The following MBTD1 variants were observed in gnomAD, a reference collection of about 807,000 sequenced individuals.
MBTD1 encodes MBT domain-containing protein 1.
A neutral mutation model predicts 87.8 loss-of-function variants in MBTD1; 24 were observed. The observed-to-expected ratio is 0.27, with a 90% CI of 0.20 to 0.38. MBTD1 has a LOEUF of 0.38. Ranked by LOEUF, MBTD1 falls within the 10% of genes least tolerant of loss-of-function variation. The probability of loss-of-function intolerance (pLI) is 1.00; values close to 1 mark genes in which losing one functional copy is unlikely to be tolerated. For missense variants in MBTD1, 436 were observed against 760.2 expected (o/e 0.57, Z 5.02); for synonymous variants, 237 against 248.6 (o/e 0.95, Z 0.44).
At chr17:51,254,088 A>G (rs1280067606) in intron 2 of MBTD1, among the ~76,000 whole-genome samples, 1 of 152,234 alleles carries the variant, frequency 6.6e-6, no homozygotes, top group Non-Finnish European at 1.5e-5. Flanking sequence ...TCAAATTTTT[A>G]TATTTAGCTA....
chr17:51,200,420 T>C (rs1056768915), intron 12 of MBTD1, among the ~76,000 whole-genome samples: 1 of 151,258 alleles, frequency 6.6e-6, no homozygotes. Context: ...ACAAAAAAAC[T>C]GGTTGGGTGT....
chr17:51,227,229 G>A (rs144044443), intron 2 of MBTD1, among the ~76,000 whole-genome samples: 2,358 of 127,410 alleles, frequency 0.019, 52 homozygotes, highest in African/African-American at 0.048. Flanking sequence ...GTGACAGAGC[G>A]AGACTCTGTC....
At chr17:51,223,907 C>T (rs1448896979) in intron 3 of MBTD1, among the ~76,000 whole-genome samples, 1 of 152,192 alleles carries the variant, frequency 6.6e-6, no homozygotes, top group Non-Finnish European at 1.5e-5. Flanking sequence ...CAAAGTCCTA[C>T]ATCTTGGGTT....
At chr17:51,240,832 C>A (rs949732131) in intron 2 of MBTD1, among the ~76,000 whole-genome samples, 1 of 152,056 alleles carries the variant, frequency 6.6e-6, no homozygotes, top group African/African-American at 2.4e-5. Context: ...GTATAGATTT[C>A]CTCTTTTAAA....
chr17:51,209,227 T>C, intron 6 of MBTD1: 1 of 373,020 alleles, frequency 2.7e-6, no homozygotes, highest in African/African-American at 2.1e-5. Flanking sequence ...CTGTCTTCTC[T>C]TGCTGGCAGG....
chr17:51,225,701 CG>C (rs2053175349), intron 2 of MBTD1, among the ~76,000 whole-genome samples: 1 of 151,984 alleles, frequency 6.6e-6, no homozygotes, highest in African/African-American at 2.4e-5. Flanking sequence ...GGATGACAGG[CG>C]TGAGCCAGTG....
chr17:51,251,271 C>T (rs536525511), intron 2 of MBTD1: 5 of 152,260 alleles, frequency 3.3e-5, no homozygotes, highest in African/African-American at 1.2e-4. Flanking sequence ...TTCAAGAACA[C>T]CCTCTTCTCT....
upstream of MBTD1, chr17:51,260,780 G>A (rs769541287): frequency 1.3e-6 from 2 of 1,578,990 alleles, no homozygotes; most frequent in East Asian, 2.3e-5. Context: ...AGTCGCGGCG[G>A]CGGAGGAAGA....
chr17:51,249,358 G>A (rs1039587833), intron 2 of MBTD1, among the ~76,000 whole-genome samples: 1 of 152,162 alleles, frequency 6.6e-6, no homozygotes, highest in African/African-American at 2.4e-5. Context: ...CTTGTGCTAA[G>A]TGTCAAAGTC....
chr17:51,179,509 T>TATATATATTTATATA lies in MBTD1; in HGVS notation c.*1066_*1067insTATATAAATATATAT, dbSNP rs1568135988. 1 of 92,422 alleles carries TATATATATTTATATA rather than the reference T, an allele frequency of 1.1e-5. No individual in the cohort carries two copies. The highest frequency in any genetic ancestry group is 2.3e-5 in the Non-Finnish European group (1 of 44,022). The allele number at this position is 92,422 out of a possible 1,614,324, so 5.7% of individuals were successfully genotyped here. On this transcript the variant is annotated 3_prime_UTR_variant, in exon 17 of 17. Transcript: ENST00000586178. ...TTATATATATATATATATATATATATATATATATATATATATATATATATA... is the reference window on the plus strand; with the variant it reads ...TTATATATATATATATATATATATATATATATATTTATATAATATATATATATATATATATATATA...
chr17:51,207,913 C>T (rs780699559), intron 6 of MBTD1, among the ~76,000 whole-genome samples: 6 of 152,116 alleles, frequency 3.9e-5, no homozygotes, highest in Non-Finnish European at 8.8e-5. Context: ...ACAGTCAGTT[C>T]CTCATTCAAT....
intron 6 of MBTD1, among the ~76,000 whole-genome samples, chr17:51,207,406 C>T (rs1445358592): frequency 5.3e-5 from 8 of 152,146 alleles, no homozygotes; most frequent in Non-Finnish European, 1.2e-4. Flanking sequence ...GAAAGAAAAA[C>T]AATTCCAATC....
Position 51,259,168 on chromosome 17 carries a change from G to C in MBTD1, c.-74C>G, listed in dbSNP as rs2055286094. On this transcript the variant is annotated 5_prime_UTR_variant, in exon 2 of 17. Coordinates refer to ENST00000586178, the MANE Select transcript of MBTD1 (RefSeq NM_017643.3). ...CACTTGTCAGAGAGGCTGCAGAGGGGACGGCTGCTTTGGATGACCTCTAAT... is the reference window on the plus strand; with the variant it reads ...CACTTGTCAGAGAGGCTGCAGAGGGCACGGCTGCTTTGGATGACCTCTAAT... The C allele has an allele frequency of 1.1e-6, 1 of 914,658 alleles. No individual in the cohort carries two copies. Among genetic ancestry groups the C allele is most frequent in the Non-Finnish European group, 1.4e-6 (1 of 697,736 alleles). 56.7% of individuals were successfully genotyped at this position (914,658 alleles called of 1,614,324 possible). A position where few individuals can be genotyped will look rare whatever the true frequency, so the allele number is the denominator to read the frequency against.
At chr17:51,185,127 A>G (rs1179227312) in intron 16 of MBTD1, 1 of 152,256 alleles carries the variant, frequency 6.6e-6, no homozygotes, top group Non-Finnish European at 1.5e-5. Flanking sequence ...AAATATTAGC[A>G]AACAGAAGAA....
chr17:51,232,504 A>C (rs898411929), intron 2 of MBTD1, among the ~76,000 whole-genome samples: 17 of 152,206 alleles, frequency 1.1e-4, no homozygotes, highest in African/African-American at 3.4e-4. Context: ...AAAATAAGCA[A>C]TATAAAACAA....
intron 4 of MBTD1, 27 bp downstream of exon 4, chr17:51,220,303 T>G: frequency 6.5e-7 from 1 of 1,532,678 alleles, no homozygotes; most frequent in Non-Finnish European, 8.8e-7. Flanking sequence ...ATAATGGATA[T>G]AAGTAAGAAA....
chr17:51,221,279 C>A (rs1305819928), intron 3 of MBTD1, among the ~76,000 whole-genome samples: 1 of 152,122 alleles, frequency 6.6e-6, no homozygotes, highest in Non-Finnish European at 1.5e-5. Flanking sequence ...GCCTGGACAA[C>A]AGAAGGAGAT....
At chr17:51,245,372 T>C (rs956381528) in intron 2 of MBTD1, among the ~76,000 whole-genome samples, 15 of 152,236 alleles carry the variant, frequency 9.9e-5, no homozygotes, top group African/African-American at 3.4e-4. Flanking sequence ...CTTTTCCCCA[T>C]ACATTTAAAA....
chr17:51,207,061 TC>T, intron 6 of MBTD1, 56 bp from the exon 7 acceptor site: 1 of 923,030 alleles, frequency 1.1e-6, no homozygotes, highest in South Asian at 1.5e-5. Context: ...CTAAAACATA[TC>T]AATGAAAATT....
Sources: allele counts gnomAD v4.1 joint callset (sites outside exome capture counted in the v4.1 genomes callset), GRCh38; gene constraint gnomAD v4.1.1; transcripts MANE v1.5; gene names NCBI Gene and HGNC (gene_info 2026-07-23, HGNC 2026-07-21).